The following VGLL4 variants were observed in gnomAD, a reference collection of about 807,000 sequenced individuals.
VGLL4 encodes transcription cofactor vestigial-like protein 4.
Under a neutral mutation model 21.0 loss-of-function variants are expected in VGLL4, and 7 were observed. The ratio of observed to expected loss-of-function variants is 0.33; its 90% CI spans 0.19 to 0.63. The LOEUF (loss-of-function observed/expected upper bound fraction) is 0.63, where lower values mean the gene tolerates loss of function less well. Ranked by LOEUF, VGLL4 falls within the 20% of genes least tolerant of loss-of-function variation. The probability of loss-of-function intolerance (pLI) is 0.78; values close to 1 mark genes in which losing one functional copy is unlikely to be tolerated. For synonymous variants in VGLL4, 222 were observed against 173.2 expected (o/e 1.28, Z -2.21); for missense variants, 394 against 425.7 (o/e 0.93, Z 0.66).
chr3:11,621,705 G>A (rs1226597905), intron 1 of VGLL4, among the ~76,000 whole-genome samples: 1 of 152,086 alleles, frequency 6.6e-6, no homozygotes, highest in Non-Finnish European at 1.5e-5. Context: ...TGGGTCAAAT[G>A]GTAACTCTAT....
In VGLL4 at chr3:11,635,489, AAGATATAG is replaced by A. The variant is rs1431028662; in HGVS notation, c.82+7940_82+7947del. Among the ~76,000 whole-genome samples the A allele has an allele frequency of 5.8e-3, 886 of 152,322 alleles. 8 individuals are homozygous for A. The highest frequency in any genetic ancestry group is 0.02 in the African/African-American group (849 of 41,558). On this transcript the variant is annotated intron_variant, in intron 1 of 4. Coordinates refer to ENST00000430365, the MANE Select transcript of VGLL4 (RefSeq NM_001128219.3). ...AACATGTGGTTCTTTTATTTTCTCT[AAGATATAG>A]AGCAGATTCTTCCAGCTCCACAAGA...
At chr3:11,591,504 G>A (rs2074495491) in intron 2 of VGLL4, among the ~76,000 whole-genome samples, 1 of 152,226 alleles carries the variant, frequency 6.6e-6, no homozygotes, top group African/African-American at 2.4e-5. Context: ...TCTCTGCGAA[G>A]ACTCTTAAGG....
chr3:11,623,100 C>T (rs2075295715), intron 1 of VGLL4, among the ~76,000 whole-genome samples: 1 of 152,074 alleles, frequency 6.6e-6, no homozygotes, highest in African/African-American at 2.4e-5. Flanking sequence ...AAAGTGATGT[C>T]ACCTCATACA....
At chr3:11,685,710 AATAG>A (rs368056785) in intron 2 of VGLL4, among the ~76,000 whole-genome samples, 15 of 152,334 alleles carry the variant, frequency 9.8e-5, no homozygotes, top group African/African-American at 3.6e-4. Flanking sequence ...TAGTAGCCAG[AATAG>A]ATAAAGAATT....
In VGLL4 at chr3:11,558,739, G is replaced by T. The variant is rs567946589; in HGVS notation, c.708C>A (p.Ser236=). 35 of 1,614,196 alleles carry T rather than the reference G, an allele frequency of 2.2e-5. 1 individual carries two copies. In the South Asian group the frequency reaches 3.8e-4, roughly 18 times the overall value. Residue 236 remains serine, a synonymous_variant, in exon 5 of 5, where the codon TCC becomes TCA. Transcript: ENST00000430365. ...CGTCCACGGAGCCCGTGATGGACAC[G>T]GAGTTGGGTGCCGGCTCGGGCTCCT... is the stretch of plus-strand genomic sequence containing the variant. ...NYKEPEPAPN[S]VSITGSVDDH... is the part of the protein sequence containing the mutation.
In VGLL4 at chr3:11,568,965, A is replaced by G. The variant is rs2073663025; in HGVS notation, c.273-3946T>C. On this transcript the variant is annotated intron_variant, in intron 2 of 4. Transcript: ENST00000430365. This position sits in a 1 kb window ranked among gnomAD's most constrained non-coding sequence, Gnocchi z 5.9. ...CCACGGAGAGAAAGATGGAAAGAGGAGGGAGGGAAAGAGAGGCCTACAACA... is the reference window on the plus strand; with the variant it reads ...CCACGGAGAGAAAGATGGAAAGAGGGGGGAGGGAAAGAGAGGCCTACAACA... 1 of 1,180,318 alleles carries G rather than the reference A, an allele frequency of 8.5e-7. No individual in the cohort carries two copies. The highest frequency in any genetic ancestry group is 2.1e-5 in the South Asian group (1 of 48,042). The allele number at this position is 1,180,318 out of a possible 1,614,324, so 73.1% of individuals were successfully genotyped here.
chr3:11,653,722 C>T lies in VGLL4; in HGVS notation c.64+49249G>A, dbSNP rs965832747. Among the ~76,000 whole-genome samples the T allele has an allele frequency of 6.6e-6, 1 of 152,208 alleles. No individual in the cohort carries two copies. The highest frequency in any genetic ancestry group is 1.5e-5 in the Non-Finnish European group (1 of 68,034). On this transcript the variant is annotated intron_variant, in intron 2 of 5. Transcript: ENST00000273038. This position sits in a 1 kb window ranked among gnomAD's most constrained non-coding sequence, Gnocchi z 4.2. ...AATAGTTTTCCACAGCAGTTGTACC[C>T]GTTTATACTCCTACCAGCAGGGTAT...
At chr3:11,642,379 C>G (rs2075710150) in intron 1 of VGLL4, among the ~76,000 whole-genome samples, 1 of 151,914 alleles carries the variant, frequency 6.6e-6, no homozygotes, top group Non-Finnish European at 1.5e-5. Context: ...AGGAAACAGG[C>G]CTGAAGTTTT....
At chr3:11,627,232 T>A (rs112804123) in intron 1 of VGLL4, 1,789 of 96,608 alleles carry the variant, frequency 0.019, 21 homozygotes, top group African/African-American at 0.065. Flanking sequence ...ACACACACAC[T>A]CTCTCTCTCT....
At position 11,719,114 on chromosome 3, in the gene VGLL4, G is replaced by A. The variant is rs1198929107; in HGVS notation, c.-14+1280C>T. Among the ~76,000 whole-genome samples, 2 of 152,158 alleles carry A rather than the reference G, an allele frequency of 1.3e-5. No individual in the cohort carries two copies. Among genetic ancestry groups the A allele is most frequent in the African/African-American group, 4.8e-5 (2 of 41,452 alleles). ...TTTGGGGACCGGGCAGGAAGCACAG[G>A]AAGAGTACGGTGCCCCTTCCCGCAG... On this transcript the variant is annotated intron_variant, in intron 1 of 5. Coordinates refer to the VGLL4 transcript ENST00000273038. The surrounding 1 kb of genome is among the most constrained non-coding windows in gnomAD (Gnocchi z 4.0).
At chr3:11,642,972 A>G (rs1466541448) in intron 1 of VGLL4, among the ~76,000 whole-genome samples, 1 of 152,080 alleles carries the variant, frequency 6.6e-6, no homozygotes, top group Non-Finnish European at 1.5e-5. Flanking sequence ...CTCACTCGCG[A>G]GCACAAAAAC....
At chr3:11,645,740 G>A, upstream of VGLL4, among the ~76,000 whole-genome samples, 1 of 152,082 alleles carries the variant, frequency 6.6e-6, no homozygotes. Flanking sequence ...GGGAGACTGA[G>A]ACGGGCGGAT....
At chr3:11,668,382 C>T (rs551661766) in intron 2 of VGLL4, among the ~76,000 whole-genome samples, 1 of 152,162 alleles carries the variant, frequency 6.6e-6, no homozygotes, top group South Asian at 2.1e-4. Flanking sequence ...TCAAATGATC[C>T]AATCCCTTCT....
At chr3:11,614,783 T>G (rs867835189) in intron 1 of VGLL4, among the ~76,000 whole-genome samples, 7 of 152,160 alleles carry the variant, frequency 4.6e-5, no homozygotes, top group African/African-American at 1.7e-4. Context: ...CGCACACCAT[T>G]CGAGAGCCTG....
chr3:11,651,915 T>G (rs1460860163), intron 2 of VGLL4, among the ~76,000 whole-genome samples: 5 of 152,164 alleles, frequency 3.3e-5, no homozygotes, highest in Non-Finnish European at 7.4e-5. Flanking sequence ...TTTGTGGAAT[T>G]TTTCACAAAA....
chr3:11,613,556 T>C (rs901643157), intron 1 of VGLL4, among the ~76,000 whole-genome samples: 60 of 152,162 alleles, frequency 3.9e-4, no homozygotes, highest in African/African-American at 1.4e-3. Flanking sequence ...CCGGGTACTG[T>C]TCTGGGAGGC....
chr3:11,599,478 C>T (rs1297833747), intron 2 of VGLL4, among the ~76,000 whole-genome samples: 1 of 141,002 alleles, frequency 7.1e-6, no homozygotes, highest in Non-Finnish European at 1.5e-5. Flanking sequence ...CAGACCCGTA[C>T]CTCAAAGTCT....
chr3:11,704,162 C>T (rs925890900), intron 1 of VGLL4, among the ~76,000 whole-genome samples: 6 of 152,002 alleles, frequency 3.9e-5, no homozygotes, highest in African/African-American at 1.2e-4. Context: ...GGGCAGGTAA[C>T]CTGAGGTCGG....
At position 11,715,404 on chromosome 3, in the gene VGLL4, G is replaced by A. The variant is rs1385154707; in HGVS notation, c.-14+4990C>T. Among the ~76,000 whole-genome samples, 3 of 152,220 alleles carry A rather than the reference G, an allele frequency of 2.0e-5. No homozygotes were observed. The East Asian group carries it at 5.8e-4, about 30-fold the overall frequency. ...GCTGGAGTGCAATGGTGCGATCTCA[G>A]CTCACTGCAACCTCCACTTTCCGGG... On this transcript the variant is annotated intron_variant, in intron 1 of 5. Coordinates refer to the VGLL4 transcript ENST00000273038.
Sources: allele counts gnomAD v4.1 joint callset (sites outside exome capture counted in the v4.1 genomes callset), GRCh38; gene constraint gnomAD v4.1.1; non-coding constraint Gnocchi (gnomAD v3.1); transcripts MANE v1.5; gene names NCBI Gene and HGNC (gene_info 2026-07-23, HGNC 2026-07-21).